The following ROPN1L variants were observed in gnomAD, a reference collection of about 807,000 sequenced individuals.
ROPN1L encodes the protein rhophilin associated tail protein 1 like.
In ROPN1L, 23 loss-of-function variants were observed where a neutral mutation model predicts 22.7. The observed-to-expected ratio is 1.01, with a 90% CI of 0.73 to 1.43. The LOEUF (loss-of-function observed/expected upper bound fraction) is 1.43, where lower values mean the gene tolerates loss of function less well. Among genes scored for constraint, ROPN1L ranks in the 40% most tolerant of loss-of-function variants. The probability of loss-of-function intolerance (pLI) is 0.00; values close to 1 mark genes in which losing one functional copy is unlikely to be tolerated. For synonymous variants in ROPN1L, 116 were observed against 117.8 expected (o/e 0.98, Z 0.10); for missense variants, 271 against 291.5 (o/e 0.93, Z 0.51).
intron 4 of ROPN1L, among the ~76,000 whole-genome samples, chr5:10,463,213 C>T (rs924172366): frequency 1.3e-5 from 2 of 152,226 alleles, no homozygotes; most frequent in African/African-American, 2.4e-5. Context: ...GTGTTCTGAT[C>T]ACCTGTAACA....
the ROPN1L span, chr5:10,478,066 G>A: frequency 1.3e-5 from 2 of 152,322 alleles, no homozygotes; most frequent in Non-Finnish European, 2.9e-5. Flanking sequence ...TGGTCAGGTG[G>A]TGCCCTCCTT....
chr5:10,478,271 G>A, the ROPN1L span: 2 of 152,298 alleles, frequency 1.3e-5, no homozygotes, highest in African/African-American at 4.8e-5. Flanking sequence ...TGCAGCCTCT[G>A]TGAGCTCCCT....
At chr5:10,450,226 A>G in intron 3 of ROPN1L, 113 bp downstream of exon 3, 2 of 813,804 alleles carry the variant, frequency 2.5e-6, no homozygotes, top group Non-Finnish European at 3.7e-6. Flanking sequence ...GTCTTAGAAA[A>G]GCATTTCCCC....
intron 1 of ROPN1L, among the ~76,000 whole-genome samples, chr5:10,447,306 G>A (rs1400747449): frequency 2.6e-5 from 4 of 152,324 alleles, no homozygotes; most frequent in African/African-American, 9.6e-5. Flanking sequence ...CGAGCCAGAG[G>A]CTGGGTGTGG....
chr5:10,480,212 G>A, the ROPN1L span, among the ~76,000 whole-genome samples: 2 of 152,172 alleles, frequency 1.3e-5, no homozygotes, highest in Non-Finnish European at 2.9e-5. Flanking sequence ...TCTTTTGATT[G>A]TCCCCTGGAG....
Position 10,448,327 on chromosome 5 carries a change from A to C in ROPN1L, c.199A>C (p.Thr67Pro), listed in dbSNP as rs754049057. The C allele has an allele frequency of 6.2e-7, 1 of 1,614,220 alleles. No homozygotes were observed. The highest frequency in any genetic ancestry group is 1.1e-5 in the South Asian group (1 of 91,090). The stretch of plus-strand genomic sequence containing the variant: ...GGACAGAATGGAAATGCCCACGGCA[A>C]CCCAGAAAACAGACACAGGCCTGAC... The part of the protein sequence containing the change: ...VKDRMEMPTA[T>P]QKTDTGLTQG... The change falls in exon 2 of 5, where the codon ACC becomes CCC. Residue 67 changes from threonine to proline, a missense_variant. Coordinates refer to ENST00000274134, the MANE Select transcript of ROPN1L (RefSeq NM_031916.5).
chr5:10,457,628 A>G (rs1734865597), intron 3 of ROPN1L, among the ~76,000 whole-genome samples: 1 of 152,188 alleles, frequency 6.6e-6, no homozygotes, highest in Middle Eastern at 3.2e-3. Flanking sequence ...CTGTGTTATC[A>G]GCCTTGCTCT....
At chr5:10,443,365 G>A (rs1379249545) in intron 1 of ROPN1L, among the ~76,000 whole-genome samples, 1 of 71,666 alleles carries the variant, frequency 1.4e-5, no homozygotes, top group Non-Finnish European at 7.0e-5. Context: ...GCTCACGCCT[G>A]TAATCCCAGC....
intron 3 of ROPN1L, among the ~76,000 whole-genome samples, chr5:10,460,009 A>T (rs1734985823): frequency 6.6e-6 from 1 of 152,198 alleles, no homozygotes; most frequent in African/African-American, 2.4e-5. Context: ...CAGCGTGACC[A>T]TCCAGGCAGG....
chr5:10,453,483 C>G (rs971809569), intron 3 of ROPN1L, among the ~76,000 whole-genome samples: 1 of 151,990 alleles, frequency 6.6e-6, no homozygotes, highest in South Asian at 2.1e-4. Context: ...GCGTCATAAG[C>G]GTTCATTTTT....
chr5:10,470,720 A>T (rs1339074245), intron 4 of ROPN1L, among the ~76,000 whole-genome samples: 1 of 152,202 alleles, frequency 6.6e-6, no homozygotes, highest in Non-Finnish European at 1.5e-5. Context: ...CCATTCTTGA[A>T]TCTCACGTAA....
At chr5:10,455,594 G>A (rs1166289494) in intron 3 of ROPN1L, among the ~76,000 whole-genome samples, 1 of 152,232 alleles carries the variant, frequency 6.6e-6, no homozygotes, top group Non-Finnish European at 1.5e-5. Context: ...GCGGGCCGCT[G>A]TGGCCTCCCC....
intron 1 of ROPN1L, among the ~76,000 whole-genome samples, chr5:10,447,812 T>C (rs1017349432): frequency 6.6e-6 from 1 of 151,980 alleles, no homozygotes; most frequent in East Asian, 1.9e-4. Flanking sequence ...GCTTGGGAGG[T>C]TGAGGCTACA....
chr5:10,471,505 G>C (rs1023997718), intron 4 of ROPN1L, among the ~76,000 whole-genome samples: 40 of 152,308 alleles, frequency 2.6e-4, no homozygotes, highest in African/African-American at 9.6e-4. Flanking sequence ...AGGAATACTG[G>C]AACAGGGTTT....
chr5:10,474,400 A>C (rs1037559095), downstream of ROPN1L, among the ~76,000 whole-genome samples: 2 of 152,144 alleles, frequency 1.3e-5, no homozygotes, highest in Non-Finnish European at 2.9e-5. Flanking sequence ...AGCAGACTAG[A>C]GAGGGGTTCT....
At chr5:10,481,424 GGTGGATA>G in the ROPN1L span, among the ~76,000 whole-genome samples, 2 of 152,210 alleles carry the variant, frequency 1.3e-5, no homozygotes, top group Non-Finnish European at 2.9e-5. Flanking sequence ...TGATTAGGCA[GGTGGATA>G]GTGGCCTGGA....
chr5:10,463,529 C>A (rs746714037), intron 4 of ROPN1L, among the ~76,000 whole-genome samples: 28 of 152,304 alleles, frequency 1.8e-4, no homozygotes, highest in Middle Eastern at 3.4e-3. Context: ...CTCCAGGCTC[C>A]AGCCCCAAGG....
chr5:10,474,863 T>A (rs1340890139), downstream of ROPN1L, among the ~76,000 whole-genome samples: 1 of 152,248 alleles, frequency 6.6e-6, no homozygotes. Flanking sequence ...TTGGTGGTTT[T>A]TTATGACCAA....
intron 3 of ROPN1L, among the ~76,000 whole-genome samples, chr5:10,455,036 A>G (rs901184507): frequency 6.6e-6 from 1 of 152,214 alleles, no homozygotes; most frequent in African/African-American, 2.4e-5. Flanking sequence ...ACGATCATCA[A>G]AATCATTTTG....
Sources: gnomAD v4.1 joint callset for allele counts (sites outside exome capture counted in the v4.1 genomes callset) on GRCh38, gnomAD v4.1.1 for gene constraint, MANE v1.5 for transcripts, NCBI Gene and HGNC (gene_info 2026-07-23, HGNC 2026-07-21) for gene names.